DPP6: variants seen among roughly 807,000 people sequenced by gnomAD.
The protein encoded by DPP6 is dipeptidyl peptidase like 6, also known as A-type potassium channel modulatory protein DPP6.
In DPP6, 69 loss-of-function variants were observed where a neutral mutation model predicts 122.6. That is an observed-to-expected ratio of 0.56 (90% CI 0.46 to 0.69). The LOEUF is 0.69. Ranked by LOEUF, DPP6 falls within the 30% of genes least tolerant of loss-of-function variation. The pLI is 0.00. For synonymous variants in DPP6, 418 were observed against 433.1 expected, an observed-to-expected ratio of 0.97 and a Z score of 0.43; for missense variants, 928 against 1,116.9, an observed-to-expected ratio of 0.83 and a Z score of 2.41.
chr7:153,765,833 G>A, the DPP6 span, among the ~76,000 whole-genome samples: 1 of 152,136 alleles, frequency 6.6e-6, no homozygotes, highest in African/African-American at 2.4e-5. Flanking sequence ...TATGGAAAGA[G>A]GGAACCCTTG....
intron 6 of DPP6, among the ~76,000 whole-genome samples, chr7:154,668,476 C>T (rs1838341948): frequency 6.6e-6 from 1 of 151,792 alleles, no homozygotes; most frequent in South Asian, 2.1e-4. Context: ...GCCTCAGCCT[C>T]CCAAAGTGCT....
At chr7:154,409,330 G>A (rs183178847) in intron 1 of DPP6, among the ~76,000 whole-genome samples, 1 of 152,208 alleles carries the variant, frequency 6.6e-6, no homozygotes. Context: ...TAGAGGGAGA[G>A]GCCACCATCT....
chr7:154,872,680 C>A lies in DPP6; in HGVS notation c.1870C>A (p.Leu624Met). 1 of 1,598,208 alleles carries A rather than the reference C, an allele frequency of 6.3e-7. No homozygotes were observed. Among genetic ancestry groups the A allele is most frequent in the East Asian group, 2.3e-5 (1 of 44,148 alleles). The change falls in exon 19 of 26, where the codon CTG (leucine) becomes ATG (methionine). Residue 624 changes from leucine to methionine, a missense_variant. Leu to Met is a conservative substitution (Grantham distance 15). Coordinates refer to ENST00000377770, the MANE Select transcript of DPP6 (RefSeq NM_130797.4). ...CTTCACCGACACCACCCACTACCCT[C>A]TGCTCCTGGTGGTGTAAGTATCGTC... ...ATFTDTTHYPLLLVVDGTPGS... is the reference protein window; with the variant it reads ...ATFTDTTHYPMLLVVDGTPGS...
At chr7:154,660,665 C>G (rs1298238764) in intron 6 of DPP6, among the ~76,000 whole-genome samples, 1 of 134,374 alleles carries the variant, frequency 7.4e-6, no homozygotes, top group African/African-American at 3.1e-5. Flanking sequence ...GGCGTATTGG[C>G]CGTAGTATTC....
chr7:154,080,351 A>G (rs1337708819), intron 1 of DPP6, among the ~76,000 whole-genome samples: 2 of 152,114 alleles, frequency 1.3e-5, no homozygotes, highest in African/African-American at 4.8e-5. Flanking sequence ...TCGGACTTCA[A>G]TCCACCATGT....
intron 1 of DPP6, among the ~76,000 whole-genome samples, chr7:154,389,706 C>G (rs951374072): frequency 9.6e-6 from 1 of 103,680 alleles, no homozygotes; most frequent in Admixed American, 1.2e-4. Context: ...TACTAATTTT[C>G]CTTGCATTCT....
At chr7:154,076,914 A>T (rs1803596736) in intron 1 of DPP6, among the ~76,000 whole-genome samples, 1 of 151,986 alleles carries the variant, frequency 6.6e-6, no homozygotes, top group East Asian at 1.9e-4. Flanking sequence ...GTATGATAAG[A>T]TCCTGGGGGC....
At chr7:154,836,352 A>C (rs528268330) in intron 16 of DPP6, among the ~76,000 whole-genome samples, 48 of 152,334 alleles carry the variant, frequency 3.2e-4, no homozygotes, top group African/African-American at 1.1e-3. Context: ...ACCCATGCCC[A>C]ACCCACCTGG....
chr7:154,807,332 G>C (rs991654145), intron 16 of DPP6, among the ~76,000 whole-genome samples: 4 of 152,138 alleles, frequency 2.6e-5, no homozygotes, highest in Non-Finnish European at 2.9e-5. Context: ...TTTCATACAG[G>C]TGTACAGCTT....
chr7:154,645,158 G>T (rs1425356516), intron 6 of DPP6, among the ~76,000 whole-genome samples: 3 of 151,276 alleles, frequency 2.0e-5, no homozygotes, highest in Non-Finnish European at 4.4e-5. Flanking sequence ...CGCCTCCCAG[G>T]TTCACACCAT....
At chr7:154,694,385 G>A (rs1309806287) in intron 7 of DPP6, among the ~76,000 whole-genome samples, 1 of 152,114 alleles carries the variant, frequency 6.6e-6, no homozygotes. Context: ...GCCGAGGTGG[G>A]TGGATCGCTT....
chr7:154,061,431 T>A lies in DPP6; in HGVS notation c.243+8368T>A, dbSNP rs1326536999. ...CTGGCTGAGGCCGGTAGCCTACATC[T>A]CTAAACAACTAGACAGGGTTGCTAA... On this transcript the variant is annotated intron_variant, in intron 1 of 25. Transcript: ENST00000377770. Among the ~76,000 whole-genome samples, 7 of 146,624 alleles carry A rather than the reference T, an allele frequency of 4.8e-5. No homozygotes were observed. The East Asian group carries it at 1.4e-3, about 28-fold the overall frequency.
the DPP6 span, among the ~76,000 whole-genome samples, chr7:153,880,497 A>G: frequency 6.6e-6 from 1 of 152,238 alleles, no homozygotes; most frequent in African/African-American, 2.4e-5. Flanking sequence ...ATACCAACAA[A>G]ATACTGCTTG....
At chr7:153,753,815 T>A in the DPP6 span, among the ~76,000 whole-genome samples, 1 of 152,128 alleles carries the variant, frequency 6.6e-6, no homozygotes, top group South Asian at 2.1e-4. Context: ...TGATTAATAA[T>A]CGTAATATCT....
intron 1 of DPP6, among the ~76,000 whole-genome samples, chr7:154,043,621 A>G (rs1157479360): frequency 6.6e-6 from 1 of 150,798 alleles, no homozygotes; most frequent in Non-Finnish European, 1.5e-5. Context: ...TGCCTACTCA[A>G]GGAAGATAGT....
At chr7:154,508,067 A>C (rs1002210636) in intron 3 of DPP6, among the ~76,000 whole-genome samples, 1 of 152,224 alleles carries the variant, frequency 6.6e-6, no homozygotes, top group Non-Finnish European at 1.5e-5. Flanking sequence ...AGCAAAGAAC[A>C]GTTAAACTGT....
At chr7:154,219,515 A>G (rs935193787) in intron 1 of DPP6, among the ~76,000 whole-genome samples, 1 of 152,080 alleles carries the variant, frequency 6.6e-6, no homozygotes. Flanking sequence ...CCCATTGAAG[A>G]GTTTTTTGTT....
intron 1 of DPP6, among the ~76,000 whole-genome samples, chr7:154,132,410 AC>A (rs765033311): frequency 6.2e-4 from 95 of 152,154 alleles, no homozygotes; most frequent in Non-Finnish European, 1.1e-3. Flanking sequence ...TAATGAGGAC[AC>A]CATCCACCAC....
At chr7:154,437,556 G>C (rs1249141802) in intron 1 of DPP6, among the ~76,000 whole-genome samples, 1 of 152,168 alleles carries the variant, frequency 6.6e-6, no homozygotes, top group Non-Finnish European at 1.5e-5. Flanking sequence ...CAGTTTCCCT[G>C]GGAAAATAAC....
Sources: gnomAD v4.1 joint callset for allele counts (sites outside exome capture counted in the v4.1 genomes callset) on GRCh38, gnomAD v4.1.1 for gene constraint, MANE v1.5 for transcripts, NCBI Gene and HGNC (gene_info 2026-07-23, HGNC 2026-07-21) for gene names.